PPP1R3A: variants seen among roughly 807,000 people sequenced by gnomAD.
PPP1R3A encodes the protein protein phosphatase 1 regulatory subunit 3A, also known as RG1.
Under a neutral mutation model 41.7 loss-of-function variants are expected in PPP1R3A, and 29 were observed. That is an observed-to-expected ratio of 0.70 (90% confidence interval 0.52 to 0.95). PPP1R3A has a LOEUF of 0.95. Among genes scored for constraint, PPP1R3A ranks in the 40% least tolerant of loss-of-function variants. The pLI is 0.00. For synonymous variants in PPP1R3A, 485 were observed against 453.4 expected (o/e 1.07, Z -0.89); for missense variants, 1,352 against 1,292.4 (o/e 1.05, Z -0.71).
intron 1 of PPP1R3A, among the ~76,000 whole-genome samples, chr7:113,892,553 C>T (rs1796909982): frequency 6.6e-6 from 1 of 152,024 alleles, no homozygotes; most frequent in Non-Finnish European, 1.5e-5. Context: ...TTTGGTGTTA[C>T]AGTACTGGCT....
chr7:113,915,441 C>T (rs1297448416), intron 1 of PPP1R3A, among the ~76,000 whole-genome samples: 1 of 151,674 alleles, frequency 6.6e-6, no homozygotes, highest in Non-Finnish European at 1.5e-5. Flanking sequence ...TTATTCTCTA[C>T]ACTAGGGCAG....
rs573507050 is a variant in PPP1R3A, at chr7:113,907,965, A to G, written c.782+10250T>C. On this transcript the variant is annotated intron_variant, in intron 1 of 3. Coordinates refer to ENST00000284601, the MANE Select transcript of PPP1R3A (RefSeq NM_002711.4). The stretch of plus-strand genomic sequence containing the variant: ...ACAAACAGCAACTTTTTATTTAGGA[A>G]AAGTTGTGCTCTAGAATTAGCTCTT... 3.3e-5 allele frequency among the ~76,000 whole-genome samples: 5 copies of G among 151,986 alleles called. No homozygotes were observed. In the East Asian group the frequency reaches 7.8e-4, roughly 24 times the overall value.
At chr7:113,913,252 G>T (rs1469831874) in intron 1 of PPP1R3A, among the ~76,000 whole-genome samples, 1 of 152,102 alleles carries the variant, frequency 6.6e-6, no homozygotes, top group Admixed American at 6.6e-5. Context: ...CAGGACCCCA[G>T]ATTATACTGT....
intron 1 of PPP1R3A, among the ~76,000 whole-genome samples, chr7:113,909,825 C>T (rs751485070): frequency 6.6e-5 from 10 of 151,982 alleles, no homozygotes; most frequent in Non-Finnish European, 1.2e-4. Context: ...GACAGAACAA[C>T]GTAAGTGGCT....
chr7:113,882,152 G>A lies in PPP1R3A; in HGVS notation c.853C>T (p.Pro285Ser). ...ENPKNTDTYI[P>S]TIICSHEDKE... is the part of the protein sequence containing the mutation. ...TCCTCATGAGAACAAATGATTGTTGGGATATAGGTATCTGAAAAGTTAATA... is the reference window on the plus strand; with the variant it reads ...TCCTCATGAGAACAAATGATTGTTGAGATATAGGTATCTGAAAAGTTAATA... The change falls in exon 3 of 4, where the codon CCA (proline) becomes TCA (serine). Residue 285 changes from proline to serine, a missense_variant. Pro to Ser is a moderately conservative substitution (Grantham distance 74). Coordinates refer to ENST00000284601, the MANE Select transcript of PPP1R3A (RefSeq NM_002711.4). 1 of 1,611,320 alleles carries A rather than the reference G, an allele frequency of 6.2e-7. No homozygotes were observed. Among genetic ancestry groups the A allele is most frequent in the Middle Eastern group, 1.7e-4 (1 of 6,050 alleles).
intron 1 of PPP1R3A, among the ~76,000 whole-genome samples, chr7:113,889,715 C>A (rs1796845800): frequency 6.6e-6 from 1 of 152,108 alleles, no homozygotes; most frequent in Admixed American, 6.6e-5. Context: ...GTTTTCCAGG[C>A]AATAGTTACA....
Position 113,918,488 on chromosome 7 carries a change from T to A in PPP1R3A, c.509A>T (p.Tyr170Phe), listed in dbSNP as rs1350004615. ...AGGAACATATTCTGCTAAAATGTCA[T>A]AATGTGTCTGCCAGTCATCTAAAGA... ...RMSLDDWQTH[Y>F]DILAEYVPNS... Residue 170 changes from tyrosine (Y) to phenylalanine (F), a missense_variant, in exon 1 of 4, where the codon TAT becomes TTT. Physicochemically the swap from Tyr to Phe is conservative, Grantham distance 22. Coordinates refer to ENST00000284601, the MANE Select transcript of PPP1R3A (RefSeq NM_002711.4). The A allele has an allele frequency of 1.9e-6, 3 of 1,613,124 alleles. No individual in the cohort carries two copies. The African/African-American group carries it at 4.0e-5, about 22-fold the overall frequency.
At chr7:113,911,807 A>G (rs780589064) in intron 1 of PPP1R3A, among the ~76,000 whole-genome samples, 29 of 152,120 alleles carry the variant, frequency 1.9e-4, no homozygotes, top group Non-Finnish European at 3.8e-4. Context: ...GAGGGAAAAC[A>G]GCATTTCTCC....
chr7:113,904,978 A>C (rs549376195), intron 1 of PPP1R3A, among the ~76,000 whole-genome samples: 1 of 151,810 alleles, frequency 6.6e-6, no homozygotes, highest in Non-Finnish European at 1.5e-5. Context: ...ATTCTGAGAA[A>C]GTGGAAAATA....
intron 1 of PPP1R3A, among the ~76,000 whole-genome samples, chr7:113,884,809 A>AATACATAATG (rs1200240627): frequency 2.0e-5 from 3 of 152,138 alleles, no homozygotes; most frequent in African/African-American, 7.2e-5. Context: ...AAGCATCAAG[A>AATACATAATG]ATACATAATG....
chr7:113,895,980 C>T (rs1287822703), intron 1 of PPP1R3A, among the ~76,000 whole-genome samples: 3 of 151,822 alleles, frequency 2.0e-5, no homozygotes, highest in Admixed American at 2.0e-4. Flanking sequence ...TGAAAAAGAA[C>T]TCAATGGAAG....
intron 1 of PPP1R3A, among the ~76,000 whole-genome samples, chr7:113,903,952 CA>C (rs1797105215): frequency 6.6e-6 from 1 of 151,644 alleles, no homozygotes; most frequent in African/African-American, 2.4e-5. Context: ...TTACCATTTG[CA>C]GGTCAAATTC....
chr7:113,917,675 T>C (rs778329833), intron 1 of PPP1R3A, among the ~76,000 whole-genome samples: 6 of 152,062 alleles, frequency 3.9e-5, no homozygotes, highest in Non-Finnish European at 8.8e-5. Flanking sequence ...ATCATTAAGG[T>C]CATTTCTTTT....
At chr7:113,906,193 TTG>T (rs1361223707) in intron 1 of PPP1R3A, among the ~76,000 whole-genome samples, 4 of 151,816 alleles carry the variant, frequency 2.6e-5, no homozygotes, top group Non-Finnish European at 4.4e-5. Context: ...GTTACAATGA[TTG>T]TGTTCAATTA....
rs1330019297 is a variant in PPP1R3A, at chr7:113,880,058, T to C, written c.1034A>G (p.Asp345Gly). 6.2e-7 allele frequency: 1 copy of C among 1,610,832 alleles called. No individual in the cohort carries two copies. Among genetic ancestry groups the C allele is most frequent in the Non-Finnish European group, 8.5e-7 (1 of 1,177,436 alleles). ...TGCTTTATTTGGAAAATTGACTGGA[T>C]CTGTTGAAAATGTATTCCTTTCATC... ...SRDERNTFST[D>G]PVNFPNKAEG... The change falls in exon 4 of 4, where the codon GAT (aspartate) becomes GGT (glycine). Residue 345 changes from aspartate (D) to glycine (G), a missense_variant. Coordinates refer to ENST00000284601, the MANE Select transcript of PPP1R3A (RefSeq NM_002711.4).
intron 1 of PPP1R3A, among the ~76,000 whole-genome samples, chr7:113,884,175 T>C (rs1190078146): frequency 6.6e-6 from 1 of 152,012 alleles, no homozygotes; most frequent in Admixed American, 6.6e-5. Flanking sequence ...TGTTCATAGA[T>C]AGAAAATATT....
chr7:113,891,481 A>C (rs1796887573), intron 1 of PPP1R3A, among the ~76,000 whole-genome samples: 1 of 152,080 alleles, frequency 6.6e-6, no homozygotes, highest in South Asian at 2.1e-4. Flanking sequence ...AGTCCATGAT[A>C]GCATACTTGC....
intron 1 of PPP1R3A, among the ~76,000 whole-genome samples, chr7:113,895,577 G>T (rs954254213): frequency 2.0e-5 from 3 of 151,874 alleles, no homozygotes; most frequent in Non-Finnish European, 4.4e-5. Flanking sequence ...CTGCTTTATA[G>T]TTTTTATAAG....
chr7:113,883,418 C>G (rs367904297), intron 1 of PPP1R3A, among the ~76,000 whole-genome samples: 2 of 151,944 alleles, frequency 1.3e-5, no homozygotes, highest in African/African-American at 4.8e-5. Context: ...ATTGAAAATT[C>G]TTCCATCCTG....
Sources: gnomAD v4.1 joint callset for allele counts (sites outside exome capture counted in the v4.1 genomes callset) on GRCh38, gnomAD v4.1.1 for gene constraint, MANE v1.5 for transcripts, NCBI Gene and HGNC (gene_info 2026-07-23, HGNC 2026-07-21) for gene names.